The following TBC1D22A variants were observed in gnomAD, a reference collection of about 807,000 sequenced individuals.
The protein encoded by TBC1D22A is putative GTPase activator.
In TBC1D22A, 38 loss-of-function variants were observed where a neutral mutation model predicts 60.2. That is an observed-to-expected ratio of 0.63 (90% CI 0.49 to 0.83). The LOEUF (loss-of-function observed/expected upper bound fraction) is 0.83. TBC1D22A is among the 40% of genes least tolerant of loss of function. TBC1D22A has a pLI of 0.00. For missense variants in TBC1D22A, 628 were observed against 701.0 expected (o/e 0.90, Z 1.18); for synonymous variants, 302 against 281.7 (o/e 1.07, Z -0.72).
At chr22:47,088,106 A>G (rs2064775957) in intron 11 of TBC1D22A, among the ~76,000 whole-genome samples, 1 of 144,792 alleles carries the variant, frequency 6.9e-6, no homozygotes, top group African/African-American at 2.6e-5. Context: ...AATAAATTTA[A>G]AAAAGATTCA....
chr22:46,836,252 A>G (rs562591871), intron 4 of TBC1D22A, among the ~76,000 whole-genome samples: 2 of 152,368 alleles, frequency 1.3e-5, no homozygotes, highest in South Asian at 4.1e-4. Flanking sequence ...TATTAAAATA[A>G]CTGTAGCTAC....
At chr22:47,029,328 A>C (rs552821841) in intron 10 of TBC1D22A, among the ~76,000 whole-genome samples, 1 of 152,094 alleles carries the variant, frequency 6.6e-6, no homozygotes, top group East Asian at 1.9e-4. Flanking sequence ...CAGCGCTTCC[A>C]TACCCCTCCC....
chr22:47,114,364 A>G (rs1444280461), intron 12 of TBC1D22A, among the ~76,000 whole-genome samples: 1 of 152,106 alleles, frequency 6.6e-6, no homozygotes, highest in African/African-American at 2.4e-5. Flanking sequence ...CAGAGGAGCC[A>G]TGAGATTGAT....
chr22:47,019,366 G>C (rs1236414046), intron 10 of TBC1D22A, among the ~76,000 whole-genome samples: 1 of 152,236 alleles, frequency 6.6e-6, no homozygotes, highest in African/African-American at 2.4e-5. Context: ...GCTAGACAAG[G>C]TCCTTCTTAG....
intron 10 of TBC1D22A, among the ~76,000 whole-genome samples, chr22:47,020,984 C>G (rs1357520817): frequency 6.6e-6 from 1 of 152,202 alleles, no homozygotes; most frequent in African/African-American, 2.4e-5. Flanking sequence ...TAGGCAGCCT[C>G]CAGCCCACAG....
chr22:47,011,329 C>T (rs190079056), intron 10 of TBC1D22A, among the ~76,000 whole-genome samples: 3 of 152,192 alleles, frequency 2.0e-5, no homozygotes, highest in East Asian at 1.9e-4. Flanking sequence ...CTCCACTCCC[C>T]GCGCTTCCTC....
chr22:47,156,430 G>A (rs552425123), intron 12 of TBC1D22A, among the ~76,000 whole-genome samples: 1 of 152,290 alleles, frequency 6.6e-6, no homozygotes, highest in South Asian at 2.1e-4. Flanking sequence ...CGGGCCGGCT[G>A]CTTGACCCTG....
chr22:46,905,726 AG>A (rs2069415826), intron 7 of TBC1D22A, among the ~76,000 whole-genome samples: 1 of 152,178 alleles, frequency 6.6e-6, no homozygotes, highest in African/African-American at 2.4e-5. Context: ...TCCTGAACCT[AG>A]GGGCCAAGCT....
chr22:47,010,114 TGTGATTTTAATC>T (rs1162254382), intron 10 of TBC1D22A, among the ~76,000 whole-genome samples: 1 of 152,266 alleles, frequency 6.6e-6, no homozygotes, highest in Non-Finnish European at 1.5e-5. Flanking sequence ...TCAGGTTAAA[TGTGATTTTAATC>T]AAATTTCTCT....
intron 4 of TBC1D22A, among the ~76,000 whole-genome samples, chr22:46,855,898 T>C (rs2087544470): frequency 1.3e-5 from 2 of 152,252 alleles, no homozygotes; most frequent in Admixed American, 1.3e-4. Context: ...CTAAAATTAA[T>C]TGAGCTTATC....
Position 46,797,517 on chromosome 22 carries a change from C to A in TBC1D22A, c.534C>A (p.Gly178=). The A allele has an allele frequency of 1.2e-6, 2 of 1,614,050 alleles. No homozygotes were observed. Among genetic ancestry groups the A allele is most frequent in the Non-Finnish European group, 1.7e-6 (2 of 1,180,022 alleles). ...LPHSATVTLG[G]TSDPSTLSSS... is the part of the protein sequence containing the mutation. ...ACTCGGCCACCGTCACGCTGGGTGG[C>A]ACATCTGACCCCAGCACTCTCAGCA... The change falls in exon 4 of 13, where the codon GGC becomes GGA. Residue 178 remains glycine, a synonymous_variant. Coordinates refer to ENST00000337137, the MANE Select transcript of TBC1D22A (RefSeq NM_014346.5).
At chr22:46,941,422 T>TACAC (rs900005990) in intron 8 of TBC1D22A, among the ~76,000 whole-genome samples, 1 of 76,982 alleles carries the variant, frequency 1.3e-5, no homozygotes, top group Admixed American at 1.3e-4. Flanking sequence ...ATACGGAATA[T>TACAC]ACACGGAATA....
rs373829237 is a variant in TBC1D22A, at chr22:47,123,752, C to CA, written c.1425+12153dup. Among the ~76,000 whole-genome samples the CA allele has an allele frequency of 6.9e-3, 1,057 of 152,282 alleles. 13 individuals carry two copies. Among genetic ancestry groups the CA allele is most frequent in the African/African-American group, 0.024 (995 of 41,556 alleles). On this transcript the variant is annotated intron_variant, in intron 12 of 12. Transcript: ENST00000337137. ...TTATTGTTTCAAGACATTTTAAAGA[C>CA]AAAATTGGGTCAATTGAAAAGTAAT...
chr22:47,145,456 C>G (rs1294972634), intron 12 of TBC1D22A, among the ~76,000 whole-genome samples: 1 of 152,158 alleles, frequency 6.6e-6, no homozygotes. Flanking sequence ...GTGGTGACAA[C>G]CAGAAATGCC....
intron 11 of TBC1D22A, among the ~76,000 whole-genome samples, chr22:47,092,183 G>A (rs558391242): frequency 5.9e-5 from 9 of 152,256 alleles, no homozygotes; most frequent in South Asian, 4.1e-4. Context: ...GAGGGATGTC[G>A]GAGCAGGGCG....
At chr22:46,830,158 G>A (rs1159487091) in intron 4 of TBC1D22A, among the ~76,000 whole-genome samples, 3 of 152,366 alleles carry the variant, frequency 2.0e-5, no homozygotes, top group East Asian at 1.9e-4. Context: ...GGCATCAGGC[G>A]TGCCGCACCC....
At chr22:46,926,135 A>G (rs964905612) in intron 8 of TBC1D22A, among the ~76,000 whole-genome samples, 9 of 152,248 alleles carry the variant, frequency 5.9e-5, no homozygotes, top group South Asian at 4.1e-4. Flanking sequence ...TGAAAACACA[A>G]TATATCAGCA....
At chr22:46,813,910 A>G (rs139580) in intron 4 of TBC1D22A, among the ~76,000 whole-genome samples, 67,591 of 152,126 alleles carry the variant, frequency 0.44, 15,849 homozygotes, top group African/African-American at 0.61. Flanking sequence ...TATTTGGGAA[A>G]GTGGCGTGGT....
At chr22:47,159,662 T>C (rs2067891097) in intron 12 of TBC1D22A, among the ~76,000 whole-genome samples, 1 of 149,028 alleles carries the variant, frequency 6.7e-6, no homozygotes. Flanking sequence ...ATATACACAG[T>C]ACACACATGC....
Sources: allele counts gnomAD v4.1 joint callset (sites outside exome capture counted in the v4.1 genomes callset), GRCh38; gene constraint gnomAD v4.1.1; transcripts MANE v1.5; gene names NCBI Gene and HGNC (gene_info 2026-07-23, HGNC 2026-07-21).